TANC1: variants seen among roughly 807,000 people sequenced by gnomAD.
TANC1 encodes tetratricopeptide repeat, ankyrin repeat and coiled-coil containing 1.
In TANC1, 77 loss-of-function variants were observed where a neutral mutation model predicts 149.7. The observed-to-expected ratio is 0.51, with a 90% CI of 0.43 to 0.62. The LOEUF is 0.62. Among genes scored for constraint, TANC1 ranks in the 20% least tolerant of loss-of-function variants. The pLI, the probability that TANC1 is intolerant of heterozygous loss-of-function variation, is 0.00. For missense variants in TANC1, 1,985 were observed against 2,321.8 expected, an observed-to-expected ratio of 0.85 and a Z score of 2.98; for synonymous variants, 854 against 925.0, an observed-to-expected ratio of 0.92 and a Z score of 1.39.
chr2:159,154,716 C>T (rs1443991413), intron 7 of TANC1, among the ~76,000 whole-genome samples: 1 of 152,082 alleles, frequency 6.6e-6, no homozygotes, highest in Non-Finnish European at 1.5e-5. Context: ...AACTGAATTC[C>T]CTATGATTAT....
At chr2:159,041,721 C>A (rs1343109522) in intron 2 of TANC1, among the ~76,000 whole-genome samples, 1 of 152,174 alleles carries the variant, frequency 6.6e-6, no homozygotes, top group Non-Finnish European at 1.5e-5. Flanking sequence ...AAGGGAATTC[C>A]CCTACCCCTT....
chr2:159,084,137 C>A (rs1298494421), intron 3 of TANC1, among the ~76,000 whole-genome samples: 1 of 151,938 alleles, frequency 6.6e-6, no homozygotes, highest in African/African-American at 2.4e-5. Flanking sequence ...GTAATCCCAG[C>A]TACTCAGAAG....
At chr2:159,175,953 G>A (rs1220942161) in intron 12 of TANC1, among the ~76,000 whole-genome samples, 3 of 152,208 alleles carry the variant, frequency 2.0e-5, no homozygotes, top group African/African-American at 7.2e-5. Flanking sequence ...GGGCAGCGAG[G>A]GGGTCAGTTT....
intron 4 of TANC1, among the ~76,000 whole-genome samples, chr2:159,113,266 A>G (rs2150038339): frequency 1.3e-5 from 2 of 152,318 alleles, no homozygotes; most frequent in East Asian, 3.9e-4. Context: ...TCTTAGCTGC[A>G]TTAGATGATT....
intron 2 of TANC1, among the ~76,000 whole-genome samples, chr2:159,065,640 G>GTTTTTTTTTTTTT (rs34624412): frequency 7.3e-6 from 1 of 136,198 alleles, no homozygotes. Context: ...ATGCACTATT[G>GTTTTTTTTTTTTT]TTTTTTTTTT....
Position 159,006,607 on chromosome 2 carries a change from C to T in TANC1, c.-16+5418C>T, listed in dbSNP as rs115189434. 1.8e-3 allele frequency among the ~76,000 whole-genome samples: 280 copies of T among 152,218 alleles called. 2 individuals carry two copies. The highest frequency in any genetic ancestry group is 5.9e-3 in the African/African-American group (243 of 41,528). On this transcript the variant is annotated intron_variant, in intron 2 of 26. Coordinates refer to ENST00000263635, the MANE Select transcript of TANC1 (RefSeq NM_033394.3). ...AAACAAATAATGAGACAAGTAAACACGACTACAAATTTCAGTATTTTCTTT... is the reference window on the plus strand; with the variant it reads ...AAACAAATAATGAGACAAGTAAACATGACTACAAATTTCAGTATTTTCTTT...
In TANC1 at chr2:159,178,617, A is replaced by G; in HGVS notation, c.1964A>G (p.Asp655Gly). ...LSLDDFPDNKDIHSDLHAYVQ... is the reference protein window; with the variant it reads ...LSLDDFPDNKGIHSDLHAYVQ... ...TTAGATGACTTCCCAGACAACAAAG[A>G]CATCCACAGTGACCTGCACGCCTAC... The change falls in exon 14 of 27, where the codon GAC becomes GGC. Residue 655 changes from aspartate (D) to glycine (G), a missense_variant. Asp to Gly is a moderately conservative substitution (Grantham distance 94). Around this residue, in one of 3 missense-constraint regions of TANC1, gnomAD observed 508 missense variants for 714.2 expected, o/e 0.71. Transcript: ENST00000263635. 6.2e-7 allele frequency: 1 copy of G among 1,610,706 alleles called. No individual in the cohort carries two copies. Among genetic ancestry groups the G allele is most frequent in the Non-Finnish European group, 8.5e-7 (1 of 1,178,910 alleles).
chr2:159,167,866 A>T (rs1272613671), intron 8 of TANC1, among the ~76,000 whole-genome samples: 1 of 152,140 alleles, frequency 6.6e-6, no homozygotes, highest in Non-Finnish European at 1.5e-5. Flanking sequence ...GGTAGGACGG[A>T]TGGCACTGGT....
intron 13 of TANC1, among the ~76,000 whole-genome samples, chr2:159,177,987 A>G (rs1476807814): frequency 1.3e-5 from 2 of 152,262 alleles, no homozygotes; most frequent in African/African-American, 2.4e-5. Flanking sequence ...ACTTTAAAAA[A>G]GCAATTCATA....
At chr2:158,976,638 T>C (rs2033702154) in intron 1 of TANC1, among the ~76,000 whole-genome samples, 1 of 152,168 alleles carries the variant, frequency 6.6e-6, no homozygotes, top group Non-Finnish European at 1.5e-5. Flanking sequence ...CCCAGCACTT[T>C]GGGAGGCCAA....
At chr2:159,184,363 G>C (rs2056779819) in intron 14 of TANC1, among the ~76,000 whole-genome samples, 1 of 152,212 alleles carries the variant, frequency 6.6e-6, no homozygotes, top group Non-Finnish European at 1.5e-5. Flanking sequence ...TATAGGTGGG[G>C]AGCAGTGGCA....
At chr2:159,194,967 C>T (rs62171137) in intron 17 of TANC1, among the ~76,000 whole-genome samples, 5,119 of 152,170 alleles carry the variant, frequency 0.034, 114 homozygotes, top group African/African-American at 0.065. Context: ...ACTTGCCAGC[C>T]CTAGGGTATT....
chr2:159,159,372 C>T (rs933218124), intron 7 of TANC1, among the ~76,000 whole-genome samples: 10 of 148,496 alleles, frequency 6.7e-5, no homozygotes, highest in African/African-American at 2.3e-4. Context: ...CTTGGAAGTT[C>T]GAGGCTGCAG....
intron 5 of TANC1, among the ~76,000 whole-genome samples, chr2:159,137,805 A>G (rs547942897): frequency 1.1e-4 from 16 of 152,230 alleles, no homozygotes; most frequent in South Asian, 8.3e-4. Flanking sequence ...GCCCTGGTCA[A>G]TTATGCCCCT....
chr2:159,034,549 A>G lies in TANC1; in HGVS notation c.-15-31347A>G, dbSNP rs562446503. ...GCTACCTAGGAGATTCTCATGGGCC[A>G]TGGGATGGAAAACCACCTCAGGGCG... is the stretch of plus-strand genomic sequence containing the variant. On this transcript the variant is annotated intron_variant, in intron 2 of 26. Transcript: ENST00000263635. Among the ~76,000 whole-genome samples the G allele has an allele frequency of 3.3e-5, 5 of 152,316 alleles. No homozygotes were observed. In the East Asian group the frequency reaches 5.8e-4, roughly 18 times the overall value.
chr2:159,219,087 A>G, intron 20 of TANC1, 151 bp from the exon 21 acceptor site: 1 of 999,114 alleles, frequency 1.0e-6, no homozygotes, highest in East Asian at 2.4e-5. Flanking sequence ...AATACAGTGG[A>G]AAGATTTTCC....
chr2:159,035,596 A>C (rs1201674869), intron 2 of TANC1, among the ~76,000 whole-genome samples: 1 of 152,186 alleles, frequency 6.6e-6, no homozygotes, highest in African/African-American at 2.4e-5. Flanking sequence ...AACACCACTC[A>C]GTTTCTCTGG....
intron 15 of TANC1, among the ~76,000 whole-genome samples, chr2:159,186,235 G>T (rs1053714608): frequency 6.6e-6 from 1 of 151,906 alleles, no homozygotes; most frequent in Non-Finnish European, 1.5e-5. Context: ...TGATTTGTTC[G>T]AGAACCTGAG....
intron 2 of TANC1, among the ~76,000 whole-genome samples, chr2:159,031,263 G>A (rs1247706530): frequency 2.0e-5 from 3 of 152,222 alleles, no homozygotes; most frequent in African/African-American, 7.2e-5. Context: ...GCTGGGTTGA[G>A]CCAGCAAGGG....
Sources: allele counts gnomAD v4.1 joint callset (sites outside exome capture counted in the v4.1 genomes callset), GRCh38; gene constraint gnomAD v4.1.1; regional missense constraint gnomAD v4.1.1; transcripts MANE v1.5; gene names NCBI Gene and HGNC (gene_info 2026-07-23, HGNC 2026-07-21).